Variants in MCUR1 observed in about 807,000 individuals in gnomAD.
The protein encoded by MCUR1 is mitochondrial calcium uniporter regulator 1, also known as MCU regulator 1.
A neutral mutation model predicts 42.0 loss-of-function variants in MCUR1; 37 were observed. That is an observed-to-expected ratio of 0.88 (90% confidence interval 0.68 to 1.16). The LOEUF (loss-of-function observed/expected upper bound fraction) is 1.16. MCUR1 is among the 50% of genes most tolerant of loss of function. The pLI is 0.00. For synonymous variants in MCUR1, 229 were observed against 196.2 expected (o/e 1.17, Z -1.40); for missense variants, 469 against 468.4 (o/e 1.00, Z -0.01).
intron 2 of MCUR1, among the ~76,000 whole-genome samples, chr6:13,805,638 CTT>C (rs1760097881): frequency 6.6e-6 from 1 of 152,204 alleles, no homozygotes; most frequent in South Asian, 2.1e-4. Flanking sequence ...CATTCCGTCA[CTT>C]TGTCTTAGGC....
At position 13,791,796 on chromosome 6, in the gene MCUR1, T is replaced by C; in HGVS notation, c.1024+82A>G. ...ATATTTCAGAAAGTGTTGGAATCAATGAAATGCAGTATCTGTCAACGACTT... is the reference window on the plus strand; with the variant it reads ...ATATTTCAGAAAGTGTTGGAATCAACGAAATGCAGTATCTGTCAACGACTT... On this transcript the variant is annotated intron_variant, in intron 8 of 8. Coordinates refer to ENST00000379170, the MANE Select transcript of MCUR1 (RefSeq NM_001031713.4). 7.0e-6 allele frequency: 6 copies of C among 861,512 alleles called. No individual in the cohort carries two copies. The South Asian group carries it at 1.0e-4, about 14-fold the overall frequency. The allele number at this position is 861,512 out of a possible 1,614,324, so 53.4% of individuals were successfully genotyped here. A position where few individuals can be genotyped will look rare whatever the true frequency, so the allele number is the denominator to read the frequency against.
At chr6:13,805,411 T>C (rs189235871) in intron 2 of MCUR1, among the ~76,000 whole-genome samples, 1 of 152,364 alleles carries the variant, frequency 6.6e-6, no homozygotes, top group Non-Finnish European at 1.5e-5. Flanking sequence ...TGAAAATTAT[T>C]ACACAGCATA....
rs372649053 is a variant in MCUR1, at chr6:13,793,852, A to T, written c.909+42T>A. 51 of 1,545,414 alleles carry T rather than the reference A, an allele frequency of 3.3e-5. No homozygotes were observed. In the African/African-American group the frequency reaches 6.3e-4, roughly 19 times the overall value. On this transcript the variant is annotated intron_variant, in intron 7 of 8. Coordinates refer to ENST00000379170, the MANE Select transcript of MCUR1 (RefSeq NM_001031713.4). ...CAACCATGCATGGAACGAAGCAAAG[A>T]TGAGTACAAAGACAAAGAAAAATCA...
At chr6:13,792,334 G>C (rs1006266284) in intron 7 of MCUR1, among the ~76,000 whole-genome samples, 2 of 152,118 alleles carry the variant, frequency 1.3e-5, no homozygotes, top group African/African-American at 4.8e-5. Flanking sequence ...CAAATGATGT[G>C]GTATTATGAG....
chr6:13,803,197 AATTACAGG>A (rs1760030965), intron 2 of MCUR1, among the ~76,000 whole-genome samples: 1 of 152,060 alleles, frequency 6.6e-6, no homozygotes, highest in Non-Finnish European at 1.5e-5. Flanking sequence ...GAGTAGCTGG[AATTACAGG>A]CATGCGCCAC....
At chr6:13,809,048 G>A (rs1760173111) in intron 1 of MCUR1, among the ~76,000 whole-genome samples, 1 of 151,956 alleles carries the variant, frequency 6.6e-6, no homozygotes, top group Non-Finnish European at 1.5e-5. Flanking sequence ...CCAAGGTGTG[G>A]GTTATAAACT....
At chr6:13,796,792 A>C (rs1199592321) in intron 6 of MCUR1, among the ~76,000 whole-genome samples, 1 of 152,240 alleles carries the variant, frequency 6.6e-6, no homozygotes, top group Non-Finnish European at 1.5e-5. Context: ...GCTTTAATCT[A>C]CATTCATGCC....
chr6:13,810,031 C>T (rs553403942), intron 1 of MCUR1, among the ~76,000 whole-genome samples: 5 of 151,808 alleles, frequency 3.3e-5, no homozygotes, highest in Admixed American at 6.6e-5. Flanking sequence ...GGTGAAACCC[C>T]GTATCTACTA....
intron 2 of MCUR1, among the ~76,000 whole-genome samples, chr6:13,803,325 T>C (rs1760034600): frequency 6.6e-6 from 1 of 152,274 alleles, no homozygotes; most frequent in African/African-American, 2.4e-5. Context: ...CCTCCCAACG[T>C]GCTGGGATTA....
chr6:13,813,820 G>A (rs1210929240), intron 1 of MCUR1, among the ~76,000 whole-genome samples, 195 bp downstream of exon 1: 1 of 152,154 alleles, frequency 6.6e-6, no homozygotes, highest in Non-Finnish European at 1.5e-5. Context: ...GTCTCTTCTG[G>A]GCTAAGCCCC....
rs906942282 is a variant in MCUR1 at position 13,786,985 on chromosome 6, C to A, written c.*3824G>T. 5.9e-5 allele frequency: 9 copies of A among 152,102 alleles called. No individual in the cohort carries two copies. The highest frequency in any genetic ancestry group is 1.3e-4 in the Non-Finnish European group (9 of 68,008). The allele number at this position is 152,102 out of a possible 1,614,324, so 9.4% of individuals were successfully genotyped here. A position where few individuals can be genotyped will look rare whatever the true frequency, so the allele number is the denominator to read the frequency against. ...TGCCTTAGTGCCAAAAAAGCCAGAA[C>A]AAATTTGATAAGCTCACATTAAAAT... is the stretch of plus-strand genomic sequence containing the variant. On this transcript the variant is annotated 3_prime_UTR_variant, in exon 9 of 9. Coordinates refer to ENST00000379170, the MANE Select transcript of MCUR1 (RefSeq NM_001031713.4).
chr6:13,801,693 T>A (rs1342537112), intron 3 of MCUR1, among the ~76,000 whole-genome samples: 1 of 151,926 alleles, frequency 6.6e-6, no homozygotes, highest in Admixed American at 6.6e-5. Context: ...CTACCAAAAG[T>A]ACAAAAATTA....
At chr6:13,813,908 C>T in intron 1 of MCUR1, 107 bp downstream of exon 1, 2 of 1,156,860 alleles carry the variant, frequency 1.7e-6, no homozygotes, top group East Asian at 3.3e-5. Context: ...GGAGGACCCG[C>T]CCTCCGGCCT....
intron 2 of MCUR1, chr6:13,803,872 C>T: frequency 1.0e-6 from 1 of 985,116 alleles, no homozygotes; most frequent in South Asian, 4.7e-5. Context: ...GTGGCTCACG[C>T]CTGTAATCCT....
intron 8 of MCUR1, 31 bp downstream of exon 8, chr6:13,791,847 G>T (rs765049241): frequency 4.4e-5 from 64 of 1,456,284 alleles, no homozygotes; most frequent in Non-Finnish European, 5.6e-5. Flanking sequence ...TTTCTTTTCA[G>T]GTTGATTTAA....
rs1313061164 is a variant in MCUR1, at chr6:13,786,776, T to C, written c.*4033A>G. 2 of 152,192 alleles carry C rather than the reference T, an allele frequency of 1.3e-5. No homozygotes were observed. The highest frequency in any genetic ancestry group is 2.9e-5 in the Non-Finnish European group (2 of 68,038). The allele number at this position is 152,192 out of a possible 1,614,324, so 9.4% of individuals were successfully genotyped here. On this transcript the variant is annotated 3_prime_UTR_variant, in exon 9 of 9. Coordinates refer to ENST00000379170, the MANE Select transcript of MCUR1 (RefSeq NM_001031713.4). ...AAGAATCTTACACTTTATTAGATAA[T>C]AAAACATAATTGATATTTGCTTAAG...
intron 1 of MCUR1, among the ~76,000 whole-genome samples, chr6:13,813,531 T>C (rs1052597263): frequency 1.3e-5 from 2 of 152,194 alleles, no homozygotes; most frequent in African/African-American, 4.8e-5. Context: ...CTCACACATC[T>C]AGAAAAGCGC....
In MCUR1 at chr6:13,814,311, C is replaced by T. The variant is rs1420326730; in HGVS notation, c.119G>A (p.Arg40His). 3.3e-6 allele frequency: 5 copies of T among 1,504,988 alleles called. No homozygotes were observed. Among genetic ancestry groups the T allele is most frequent in the East Asian group, 2.7e-5 (1 of 36,724 alleles). 93.2% of individuals were successfully genotyped at this position (1,504,988 alleles called of 1,614,324 possible). A position where few individuals can be genotyped will look rare whatever the true frequency, so the allele number is the denominator to read the frequency against. The part of the protein sequence containing the change: ...RPGGSETSAR[R>H]CLSALSDGLG... ...ACCGTCGGAGAGCGCAGAGAGGCAG[C>T]GGCGTGCTGAGGTTTCGCTGCCGCC... The change falls in exon 1 of 9, where the codon CGC (arginine) becomes CAC (histidine). Residue 40 changes from arginine (R) to histidine (H), a missense_variant. Transcript: ENST00000379170.
intron 2 of MCUR1, among the ~76,000 whole-genome samples, chr6:13,802,633 T>A (rs541350941): frequency 3.9e-5 from 6 of 152,282 alleles, no homozygotes; most frequent in African/African-American, 1.4e-4. Flanking sequence ...ACATAGACAA[T>A]GCCGGCAAGT....
Sources: gnomAD v4.1 joint callset for allele counts (sites outside exome capture counted in the v4.1 genomes callset) on GRCh38, gnomAD v4.1.1 for gene constraint, MANE v1.5 for transcripts, NCBI Gene and HGNC (gene_info 2026-07-23, HGNC 2026-07-21) for gene names.